The following AKT3 variants were observed in gnomAD, a reference collection of about 807,000 sequenced individuals.
AKT3 encodes the protein AKT serine/threonine kinase 3.
Under a neutral mutation model 65.3 loss-of-function variants are expected in AKT3, and 15 were observed. The observed-to-expected ratio is 0.23, with a 90% CI of 0.15 to 0.35. The LOEUF (loss-of-function observed/expected upper bound fraction) is 0.35. Among genes scored for constraint, AKT3 ranks in the 10% least tolerant of loss-of-function variants. The pLI, the probability that AKT3 is intolerant of heterozygous loss-of-function variation, is 1.00. For missense variants in AKT3, 243 were observed against 576.5 expected (o/e 0.42, Z 5.92); for synonymous variants, 206 against 183.8 (o/e 1.12, Z -0.98).
chr1:243,823,195 A>T (rs1693965445), intron 2 of AKT3, among the ~76,000 whole-genome samples: 1 of 152,228 alleles, frequency 6.6e-6, no homozygotes, highest in Non-Finnish European at 1.5e-5. Context: ...TTATCTCAAA[A>T]GACTCAGAAA....
intron 2 of AKT3, among the ~76,000 whole-genome samples, chr1:243,842,312 T>C (rs1275864965): frequency 6.6e-6 from 1 of 152,086 alleles, no homozygotes; most frequent in Non-Finnish European, 1.5e-5. Context: ...ATACAGGAAC[T>C]AAAAGGTTCT....
At chr1:243,651,972 C>A (rs373404586) in intron 4 of AKT3, among the ~76,000 whole-genome samples, 1 of 151,852 alleles carries the variant, frequency 6.6e-6, no homozygotes, top group Non-Finnish European at 1.5e-5. Context: ...AGACTAACAG[C>A]GGATCTCTCT....
At chr1:243,515,087 T>G (rs6704286) in intron 12 of AKT3, among the ~76,000 whole-genome samples, 128,901 of 152,146 alleles carry the variant, frequency 0.85, 54,726 homozygotes, top group Admixed American at 0.91. Context: ...CATTTAGCAT[T>G]ATTACTTTGA....
At chr1:243,829,339 AG>A (rs576094407) in intron 2 of AKT3, among the ~76,000 whole-genome samples, 143 of 152,340 alleles carry the variant, frequency 9.4e-4, no homozygotes, top group Middle Eastern at 6.8e-3. Context: ...CAAAGGAAAA[AG>A]GTGAAGAGTT....
intron 2 of AKT3, among the ~76,000 whole-genome samples, chr1:243,806,863 G>A (rs1692758844): frequency 6.6e-6 from 1 of 152,242 alleles, no homozygotes; most frequent in Non-Finnish European, 1.5e-5. Context: ...GCAAGAGTGG[G>A]TTCTTTCAGT....
chr1:243,542,017 T>A (rs1672353067), intron 12 of AKT3, among the ~76,000 whole-genome samples: 1 of 152,150 alleles, frequency 6.6e-6, no homozygotes, highest in Admixed American at 6.5e-5. Flanking sequence ...TACAAAACAT[T>A]ACTGTGAGAA....
intron 2 of AKT3, among the ~76,000 whole-genome samples, chr1:243,757,298 ATCTCAC>A (rs2148230245): frequency 6.6e-6 from 1 of 152,352 alleles, no homozygotes; most frequent in East Asian, 1.9e-4. Flanking sequence ...GTAAAGGAGC[ATCTCAC>A]TCTCAAATGG....
At chr1:243,758,693 T>G (rs1488706109) in intron 2 of AKT3, among the ~76,000 whole-genome samples, 1 of 152,134 alleles carries the variant, frequency 6.6e-6, no homozygotes, top group Non-Finnish European at 1.5e-5. Context: ...TAGTTAGAGT[T>G]AGTAAGGAGC....
At chr1:243,678,475 T>C (rs1474180041) in intron 3 of AKT3, among the ~76,000 whole-genome samples, 1 of 152,226 alleles carries the variant, frequency 6.6e-6, no homozygotes, top group Non-Finnish European at 1.5e-5. Context: ...TAGGAAAATT[T>C]TGCTTTCTAT....
At chr1:243,562,391 C>T (rs553812856) in intron 10 of AKT3, among the ~76,000 whole-genome samples, 23 of 152,068 alleles carry the variant, frequency 1.5e-4, no homozygotes, top group African/African-American at 3.4e-4. Flanking sequence ...AATTGGACAG[C>T]GATGATAGTT....
chr1:243,716,623 A>G (rs1420302690), intron 2 of AKT3, among the ~76,000 whole-genome samples: 3 of 152,228 alleles, frequency 2.0e-5, no homozygotes, highest in African/African-American at 7.2e-5. Flanking sequence ...CTTCATTTCT[A>G]TAATAAACAC....
chr1:243,765,919 T>G (rs1339563290), intron 2 of AKT3, among the ~76,000 whole-genome samples: 1 of 152,186 alleles, frequency 6.6e-6, no homozygotes, highest in Non-Finnish European at 1.5e-5. Flanking sequence ...AAAGGGCACC[T>G]GTGAATTATA....
intron 2 of AKT3, among the ~76,000 whole-genome samples, chr1:243,728,055 T>C (rs1302922014): frequency 1.3e-5 from 2 of 152,204 alleles, no homozygotes; most frequent in African/African-American, 2.4e-5. Context: ...AGACTAAAAC[T>C]ATCAACTCCC....
intron 8 of AKT3, among the ~76,000 whole-genome samples, chr1:243,607,302 A>G (rs931771820): frequency 1.3e-5 from 2 of 152,196 alleles, no homozygotes; most frequent in African/African-American, 4.8e-5. Flanking sequence ...GGGAGGAGGG[A>G]TGTACCCTAC....
At chr1:243,498,528 C>T (rs546600764), downstream of AKT3, among the ~76,000 whole-genome samples, 2 of 152,324 alleles carry the variant, frequency 1.3e-5, 1 homozygote, top group African/African-American at 4.8e-5. Flanking sequence ...CTCTAACTAC[C>T]CTGCTGAGAC....
chr1:243,540,116 G>C (rs576281311), intron 12 of AKT3, among the ~76,000 whole-genome samples: 25 of 152,228 alleles, frequency 1.6e-4, no homozygotes, highest in East Asian at 5.8e-4. Context: ...ACATGATCCT[G>C]AAGTGAAAAT....
At chr1:243,645,608 T>C (rs1680750556) in intron 5 of AKT3, among the ~76,000 whole-genome samples, 2 of 152,168 alleles carry the variant, frequency 1.3e-5, no homozygotes, top group African/African-American at 2.4e-5. Context: ...TAAAATTGTA[T>C]TAAAAATAAT....
intron 12 of AKT3, among the ~76,000 whole-genome samples, chr1:243,543,140 C>T (rs1672431593): frequency 3.3e-5 from 5 of 152,146 alleles, no homozygotes; most frequent in African/African-American, 1.2e-4. Flanking sequence ...CTGCTGGCTC[C>T]CCTAATTCCA....
At chr1:243,817,100 G>A (rs937829147) in intron 2 of AKT3, among the ~76,000 whole-genome samples, 2 of 152,060 alleles carry the variant, frequency 1.3e-5, no homozygotes, top group Non-Finnish European at 2.9e-5. Context: ...ACATGGAGGC[G>A]AACTGAGGCA....
Sources: gnomAD v4.1 joint callset for allele counts (sites outside exome capture counted in the v4.1 genomes callset) on GRCh38, gnomAD v4.1.1 for gene constraint, MANE v1.5 for transcripts, NCBI Gene and HGNC (gene_info 2026-07-23, HGNC 2026-07-21) for gene names.